Variants in SDK1 observed in about 807,000 individuals in gnomAD.
SDK1 encodes sidekick cell adhesion molecule 1.
In SDK1, 157 loss-of-function variants were observed where a neutral mutation model predicts 245.5. The ratio of observed to expected loss-of-function variants is 0.64; its 90% CI spans 0.56 to 0.73. SDK1 has a LOEUF of 0.73. SDK1 is among the 30% of genes least tolerant of loss of function. The pLI is 0.00. For missense variants in SDK1, 3,583 were observed against 3,002.3 expected, an observed-to-expected ratio of 1.19 and a Z score of -4.52; for synonymous variants, 1,647 against 1,278.5, an observed-to-expected ratio of 1.29 and a Z score of -6.15.
At chr7:4,114,891 A>G (rs1028830701) in intron 25 of SDK1, among the ~76,000 whole-genome samples, 8 of 152,166 alleles carry the variant, frequency 5.3e-5, no homozygotes, top group Admixed American at 3.3e-4. Context: ...TCAGGAGTGG[A>G]ACGTCACTCT....
At chr7:3,419,408 C>T (rs565762072) in intron 1 of SDK1, among the ~76,000 whole-genome samples, 1 of 152,234 alleles carries the variant, frequency 6.6e-6, no homozygotes, top group East Asian at 1.9e-4. Flanking sequence ...ATGTTCTCCT[C>T]CCTGACACTA....
intron 1 of SDK1, among the ~76,000 whole-genome samples, chr7:3,614,558 C>G (rs900590944): frequency 3.9e-5 from 6 of 152,190 alleles, no homozygotes; most frequent in African/African-American, 1.4e-4. Flanking sequence ...AGATCAAATG[C>G]TTTTGCAGGG....
chr7:3,993,457 C>T (rs1200999547), intron 14 of SDK1, among the ~76,000 whole-genome samples: 1 of 152,028 alleles, frequency 6.6e-6, no homozygotes, highest in Non-Finnish European at 1.5e-5. Context: ...CTACTCAGTC[C>T]TACGGTTAGT....
intron 4 of SDK1, among the ~76,000 whole-genome samples, chr7:3,720,170 T>C (rs1043041057): frequency 3.9e-5 from 6 of 152,014 alleles, no homozygotes; most frequent in African/African-American, 1.5e-4. Flanking sequence ...GGAGGGGAAT[T>C]GCTTGAACCA....
At chr7:3,941,637 G>A (rs759970154) in intron 5 of SDK1, among the ~76,000 whole-genome samples, 27 of 152,138 alleles carry the variant, frequency 1.8e-4, no homozygotes, top group Non-Finnish European at 2.1e-4. Context: ...TGACCTCAAC[G>A]CCACACCCAC....
At chr7:3,963,701 C>G (rs551013538) in intron 9 of SDK1, among the ~76,000 whole-genome samples, 1 of 130,390 alleles carries the variant, frequency 7.7e-6, no homozygotes, top group Non-Finnish European at 1.6e-5. Context: ...CCCAGGCTCA[C>G]AGCTACCTGA....
chr7:3,621,990 G>A (rs1488631651), intron 2 of SDK1, among the ~76,000 whole-genome samples: 1 of 152,076 alleles, frequency 6.6e-6, no homozygotes, highest in East Asian at 1.9e-4. Context: ...TATAAAGCAG[G>A]CTTTGTGTTG....
chr7:3,581,095 G>A (rs1366873991), intron 1 of SDK1, among the ~76,000 whole-genome samples: 4 of 148,910 alleles, frequency 2.7e-5, no homozygotes, highest in Non-Finnish European at 4.4e-5. Flanking sequence ...TGCACCAAAA[G>A]CAAAAGTTGA....
intron 1 of SDK1, among the ~76,000 whole-genome samples, chr7:3,488,899 C>T (rs911018174): frequency 7.1e-6 from 1 of 140,434 alleles, no homozygotes; most frequent in Non-Finnish European, 1.5e-5. Flanking sequence ...CTTCATTCCT[C>T]CCTCCGTGTG....
At chr7:3,377,559 T>C (rs1257668390) in intron 1 of SDK1, among the ~76,000 whole-genome samples, 2 of 152,102 alleles carry the variant, frequency 1.3e-5, no homozygotes, top group Non-Finnish European at 2.9e-5. Flanking sequence ...GCAGAGCTGC[T>C]GCTTTTCATC....
chr7:3,710,876 C>A (rs922292062), intron 4 of SDK1, among the ~76,000 whole-genome samples: 1 of 152,210 alleles, frequency 6.6e-6, no homozygotes, highest in African/African-American at 2.4e-5. Context: ...GCATCATTAA[C>A]AAATACCTGG....
intron 4 of SDK1, among the ~76,000 whole-genome samples, chr7:3,806,926 G>A (rs534979479): frequency 9.2e-5 from 14 of 152,188 alleles, no homozygotes; most frequent in African/African-American, 1.7e-4. Context: ...TGTATCTTAC[G>A]TGTGTATTGT....
intron 4 of SDK1, among the ~76,000 whole-genome samples, chr7:3,687,214 C>A: frequency 6.6e-6 from 1 of 151,482 alleles, no homozygotes; most frequent in African/African-American, 2.4e-5. Flanking sequence ...TCTCTGTCGC[C>A]AGGCTGGAAT....
At chr7:4,011,536 C>T (rs1218511261) in intron 15 of SDK1, among the ~76,000 whole-genome samples, 1 of 152,198 alleles carries the variant, frequency 6.6e-6, no homozygotes, top group Non-Finnish European at 1.5e-5. Context: ...CGTCGCATTC[C>T]TGAGCGGTCT....
chr7:4,177,810 C>A (rs1404355854), intron 34 of SDK1, among the ~76,000 whole-genome samples: 1 of 152,196 alleles, frequency 6.6e-6, no homozygotes, highest in African/African-American at 2.4e-5. Flanking sequence ...AACTCACCAT[C>A]ACGTAGAATC....
intron 14 of SDK1, among the ~76,000 whole-genome samples, chr7:3,987,721 T>G (rs1326743485): frequency 6.6e-6 from 1 of 151,746 alleles, no homozygotes; most frequent in Non-Finnish European, 1.5e-5. Flanking sequence ...AGACGTGGTG[T>G]CAAGTGTTCA....
At chr7:3,992,961 T>A (rs1784451470) in intron 14 of SDK1, among the ~76,000 whole-genome samples, 1 of 152,240 alleles carries the variant, frequency 6.6e-6, no homozygotes, top group African/African-American at 2.4e-5. Flanking sequence ...ATTTATAAAT[T>A]CATTTTTGCA....
chr7:3,801,400 C>T (rs998539349), intron 4 of SDK1, among the ~76,000 whole-genome samples: 1 of 152,152 alleles, frequency 6.6e-6, no homozygotes, highest in African/African-American at 2.4e-5. Flanking sequence ...ACCCTAGAGT[C>T]TACTGAATGT....
intron 5 of SDK1, among the ~76,000 whole-genome samples, chr7:3,935,556 A>G (rs1780127445): frequency 6.6e-6 from 1 of 152,252 alleles, no homozygotes; most frequent in Non-Finnish European, 1.5e-5. Context: ...TGATTTAAAA[A>G]TGGGCAAAGA....
Sources: gnomAD v4.1 joint callset for allele counts (sites outside exome capture counted in the v4.1 genomes callset) on GRCh38, gnomAD v4.1.1 for gene constraint, MANE v1.5 for transcripts, NCBI Gene and HGNC (gene_info 2026-07-23, HGNC 2026-07-21) for gene names.